Variants in DPP10 observed in about 807,000 individuals in gnomAD.
DPP10 encodes the protein dipeptidyl peptidase like 10.
In DPP10, 33 loss-of-function variants were observed where a neutral mutation model predicts 120.9. The observed-to-expected ratio is 0.27, with a 90% confidence interval of 0.21 to 0.37. The LOEUF is 0.37. Among genes scored for constraint, DPP10 ranks in the 10% least tolerant of loss-of-function variants. DPP10 has a pLI of 1.00. For synonymous variants in DPP10, 337 were observed against 326.1 expected, an observed-to-expected ratio of 1.03 and a Z score of -0.36; for missense variants, 816 against 942.8, an observed-to-expected ratio of 0.87 and a Z score of 1.76.
intron 1 of DPP10, among the ~76,000 whole-genome samples, chr2:114,961,860 AG>A (rs1366267943): frequency 6.6e-6 from 1 of 152,146 alleles, no homozygotes; most frequent in East Asian, 1.9e-4. Flanking sequence ...AGGCTGAGGC[AG>A]GAGAATTGTT....
At chr2:115,558,937 A>G (rs2080388592) in intron 5 of DPP10, among the ~76,000 whole-genome samples, 1 of 152,270 alleles carries the variant, frequency 6.6e-6, no homozygotes, top group South Asian at 2.1e-4. Context: ...AATGACAGGT[A>G]CTTTCTTATG....
chr2:114,630,039 A>G (rs923444701), intron 1 of DPP10, among the ~76,000 whole-genome samples: 4 of 152,208 alleles, frequency 2.6e-5, no homozygotes, highest in African/African-American at 9.6e-5. Context: ...GTACATATAT[A>G]CAAATATACA....
intron 5 of DPP10, among the ~76,000 whole-genome samples, chr2:115,642,667 T>C (rs1012650658): frequency 6.6e-5 from 10 of 152,018 alleles, no homozygotes; most frequent in Admixed American, 3.9e-4. Flanking sequence ...TCTCTATCTC[T>C]CTCTCTCCCT....
chr2:115,777,677 G>A (rs1259849208), intron 14 of DPP10, 110 bp from the exon 15 acceptor site: 3 of 1,136,520 alleles, frequency 2.6e-6, no homozygotes, highest in Non-Finnish European at 3.8e-6. Context: ...TGAAAATTCA[G>A]GTGAAGATTC....
chr2:114,604,984 G>T (rs1246521426), intron 1 of DPP10, among the ~76,000 whole-genome samples: 1 of 152,052 alleles, frequency 6.6e-6, no homozygotes, highest in Non-Finnish European at 1.5e-5. Context: ...TTTCTTGAAT[G>T]AGCATCTCTT....
intron 1 of DPP10, among the ~76,000 whole-genome samples, chr2:114,859,447 A>G (rs1689639353): frequency 6.6e-6 from 1 of 152,172 alleles, no homozygotes; most frequent in East Asian, 1.9e-4. Context: ...TGACCATACC[A>G]TAATTTTGAC....
chr2:114,958,496 A>C (rs1346223844), intron 1 of DPP10, among the ~76,000 whole-genome samples: 1 of 152,222 alleles, frequency 6.6e-6, no homozygotes, highest in Non-Finnish European at 1.5e-5. Context: ...AATGCATTGC[A>C]TCTTTTAAAA....
intron 1 of DPP10, among the ~76,000 whole-genome samples, chr2:115,085,320 G>T (rs1708603433): frequency 6.6e-6 from 1 of 151,988 alleles, no homozygotes; most frequent in Admixed American, 6.5e-5. Flanking sequence ...ATGTGTATGT[G>T]TGAGCACGTG....
chr2:114,780,117 C>T (rs557804708), intron 1 of DPP10, among the ~76,000 whole-genome samples: 5 of 149,732 alleles, frequency 3.3e-5, no homozygotes, highest in African/African-American at 1.2e-4. Context: ...GCCTGGGTGA[C>T]AAAGCGAGAC....
At chr2:115,303,536 A>G (rs912140907) in intron 1 of DPP10, among the ~76,000 whole-genome samples, 2 of 151,944 alleles carry the variant, frequency 1.3e-5, no homozygotes, top group Non-Finnish European at 2.9e-5. Context: ...CAGCATATCC[A>G]GCACCTTTTT....
intron 1 of DPP10, among the ~76,000 whole-genome samples, chr2:114,721,939 T>C (rs1417810580): frequency 6.6e-6 from 1 of 152,228 alleles, no homozygotes; most frequent in Non-Finnish European, 1.5e-5. Context: ...CTCTCTTCTT[T>C]GTAGTATGAG....
chr2:115,543,585 A>G (rs1203589960), intron 5 of DPP10, among the ~76,000 whole-genome samples: 1 of 151,924 alleles, frequency 6.6e-6, no homozygotes, highest in African/African-American at 2.4e-5. Flanking sequence ...GGTGTTTTAC[A>G]TGTATTTCTA....
chr2:115,320,460 A>G (rs1269790266), intron 2 of DPP10, among the ~76,000 whole-genome samples: 2 of 151,260 alleles, frequency 1.3e-5, no homozygotes, highest in Non-Finnish European at 2.9e-5. Context: ...TATTTTTATA[A>G]TGCCCTTCTT....
At chr2:114,804,297 C>T (rs1684531933) in intron 1 of DPP10, among the ~76,000 whole-genome samples, 2 of 152,188 alleles carry the variant, frequency 1.3e-5, no homozygotes, top group South Asian at 4.1e-4. Context: ...TTAAGGAGAA[C>T]CTCTGCTAGG....
intron 3 of DPP10, among the ~76,000 whole-genome samples, chr2:115,493,498 A>G (rs1194627088): frequency 6.8e-6 from 1 of 146,968 alleles, no homozygotes; most frequent in Non-Finnish European, 1.5e-5. Flanking sequence ...GTAGTAAAAT[A>G]GTCACTGAAG....
chr2:114,523,887 A>G (rs1287958681), intron 1 of DPP10, among the ~76,000 whole-genome samples: 2 of 152,178 alleles, frequency 1.3e-5, no homozygotes, highest in Admixed American at 6.5e-5. Context: ...CATGTCTCAA[A>G]TGGCAAGAAC....
chr2:115,000,985 G>A (rs1019786993), intron 1 of DPP10, among the ~76,000 whole-genome samples: 1 of 152,084 alleles, frequency 6.6e-6, no homozygotes, highest in Admixed American at 6.5e-5. Context: ...TCAGATCTTG[G>A]TTCTGTGACA....
intron 1 of DPP10, among the ~76,000 whole-genome samples, chr2:114,757,610 A>G (rs1234676432): frequency 6.6e-6 from 1 of 152,184 alleles, no homozygotes; most frequent in Non-Finnish European, 1.5e-5. Flanking sequence ...TTAACTTACC[A>G]TTTGATGTTT....
intron 3 of DPP10, among the ~76,000 whole-genome samples, chr2:115,430,006 C>T (rs907779156): frequency 5.3e-5 from 8 of 152,048 alleles, no homozygotes; most frequent in African/African-American, 1.9e-4. Context: ...GTTTTGGAGG[C>T]CTTGGAAAAA....
Sources: allele counts gnomAD v4.1 joint callset (sites outside exome capture counted in the v4.1 genomes callset), GRCh38; gene constraint gnomAD v4.1.1; transcripts MANE v1.5; gene names NCBI Gene and HGNC (gene_info 2026-07-23, HGNC 2026-07-21).